Variants in DPYD observed in about 807,000 individuals in gnomAD.
DPYD encodes the protein dihydropyrimidine dehydrogenase [NADP(+)].
Under a neutral mutation model 116.2 loss-of-function variants are expected in DPYD, and 109 were observed. The ratio of observed to expected loss-of-function variants is 0.94; its 90% CI spans 0.80 to 1.10. The LOEUF (loss-of-function observed/expected upper bound fraction) is 1.10, where lower values mean the gene tolerates loss of function less well. DPYD is among the 50% of genes least tolerant of loss of function. The probability of loss-of-function intolerance (pLI) is 0.00; values close to 1 mark genes in which losing one functional copy is unlikely to be tolerated. For synonymous variants in DPYD, 440 were observed against 432.0 expected (o/e 1.02, Z -0.23); for missense variants, 1,302 against 1,254.5 (o/e 1.04, Z -0.57).
At chr1:97,323,444 G>GTA (rs1204630428) in intron 16 of DPYD, among the ~76,000 whole-genome samples, 3 of 97,812 alleles carry the variant, frequency 3.1e-5, no homozygotes, top group East Asian at 3.4e-4. Context: ...ATATGTACAC[G>GTA]TATATACATA....
intron 13 of DPYD, among the ~76,000 whole-genome samples, chr1:97,458,798 T>C (rs1207437926): frequency 6.6e-6 from 1 of 152,194 alleles, no homozygotes; most frequent in Non-Finnish European, 1.5e-5. Context: ...GTTAAAAATT[T>C]GGTTTAAAAG....
intron 3 of DPYD, among the ~76,000 whole-genome samples, chr1:97,749,798 A>G (rs182971572): frequency 3.9e-4 from 60 of 152,102 alleles, no homozygotes; most frequent in African/African-American, 1.2e-3. Context: ...GGTTTCCTTC[A>G]TATTCTAGAC....
intron 20 of DPYD, among the ~76,000 whole-genome samples, chr1:97,108,707 A>C (rs1212981221): frequency 6.6e-6 from 1 of 152,154 alleles, no homozygotes; most frequent in Non-Finnish European, 1.5e-5. Context: ...AAGCTATTAT[A>C]AATCTGTATG....
intron 14 of DPYD, among the ~76,000 whole-genome samples, chr1:97,419,589 T>C (rs1674471930): frequency 6.6e-6 from 1 of 151,730 alleles, no homozygotes; most frequent in South Asian, 2.1e-4. Context: ...AAAATCTACC[T>C]ATAACCCCAC....
At chr1:97,466,172 CAAAA>C (rs926700178) in intron 13 of DPYD, among the ~76,000 whole-genome samples, 4 of 151,994 alleles carry the variant, frequency 2.6e-5, no homozygotes, top group African/African-American at 9.7e-5. Context: ...AAAATTATAA[CAAAA>C]AAAGTTGGCA....
intron 3 of DPYD, among the ~76,000 whole-genome samples, chr1:97,772,521 A>C (rs1666196876): frequency 6.6e-6 from 1 of 152,206 alleles, no homozygotes; most frequent in Non-Finnish European, 1.5e-5. Context: ...GCAGAAGTGT[A>C]ATTTCACAGG....
intron 8 of DPYD, among the ~76,000 whole-genome samples, chr1:97,641,296 G>A (rs1385940228): frequency 1.3e-5 from 2 of 152,104 alleles, no homozygotes; most frequent in South Asian, 2.1e-4. Context: ...AACTTCTTTT[G>A]GAGACATATA....
intron 20 of DPYD, among the ~76,000 whole-genome samples, chr1:97,106,630 C>T (rs1651169561): frequency 6.6e-6 from 1 of 152,120 alleles, no homozygotes; most frequent in Non-Finnish European, 1.5e-5. Flanking sequence ...CCCCCCTCAT[C>T]TCCCAGTCCT....
chr1:97,750,682 C>A (rs1664825979), intron 3 of DPYD, among the ~76,000 whole-genome samples: 2 of 152,126 alleles, frequency 1.3e-5, no homozygotes, highest in Admixed American at 6.5e-5. Flanking sequence ...AAAGAATTCA[C>A]TTAAGAGTTT....
At chr1:97,660,079 T>C (rs1160012920) in intron 8 of DPYD, among the ~76,000 whole-genome samples, 1 of 152,128 alleles carries the variant, frequency 6.6e-6, no homozygotes, top group Admixed American at 6.5e-5. Context: ...TTTGCTAAAA[T>C]GCTACTGTTC....
At chr1:97,532,911 G>GT (rs535708189) in intron 12 of DPYD, among the ~76,000 whole-genome samples, 1,569 of 128,190 alleles carry the variant, frequency 0.012, 24 homozygotes, top group South Asian at 0.063. Context: ...GGGCTTAGTT[G>GT]TTTTTTTTTT....
intron 20 of DPYD, among the ~76,000 whole-genome samples, chr1:97,102,396 C>CATATATATATATATATATATATAT (rs372249411): frequency 0.011 from 1,054 of 96,934 alleles, 41 homozygotes; most frequent in East Asian, 0.015. Context: ...CACTCAGTAT[C>CATATATATATATATATATATATAT]ATATATATAT....
intron 8 of DPYD, among the ~76,000 whole-genome samples, chr1:97,618,320 T>C (rs1273755321): frequency 2.0e-5 from 3 of 151,994 alleles, no homozygotes; most frequent in Non-Finnish European, 2.9e-5. Flanking sequence ...TAGCATGTCC[T>C]GACATTTTAT....
At chr1:97,683,708 C>T (rs192604416) in intron 7 of DPYD, among the ~76,000 whole-genome samples, 28 of 152,074 alleles carry the variant, frequency 1.8e-4, no homozygotes, top group Non-Finnish European at 3.1e-4. Flanking sequence ...AATTTTATTA[C>T]ACTATAAATG....
intron 8 of DPYD, among the ~76,000 whole-genome samples, chr1:97,614,474 T>C (rs980777298): frequency 3.9e-5 from 6 of 152,048 alleles, no homozygotes; most frequent in Non-Finnish European, 5.9e-5. Context: ...AATAAAACCA[T>C]AGTAGACTAG....
intron 3 of DPYD, among the ~76,000 whole-genome samples, chr1:97,791,023 T>C (rs1329930309): frequency 6.6e-6 from 1 of 152,200 alleles, no homozygotes; most frequent in Non-Finnish European, 1.5e-5. Flanking sequence ...AAAAAGGCAG[T>C]TGGTTCATCC....
At chr1:97,771,989 ATAAG>A (rs1243763317) in intron 3 of DPYD, among the ~76,000 whole-genome samples, 1 of 152,194 alleles carries the variant, frequency 6.6e-6, no homozygotes, top group Non-Finnish European at 1.5e-5. Flanking sequence ...AAGTAGAAAA[ATAAG>A]TAAAAGGTAT....
chr1:97,714,649 A>G (rs1457081884), intron 5 of DPYD, among the ~76,000 whole-genome samples: 55 of 148,628 alleles, frequency 3.7e-4, no homozygotes, highest in Admixed American at 1.0e-3. Context: ...GTTAAAAAAG[A>G]AAAGACAAAA....
chr1:97,849,288 T>C (rs544618255), intron 2 of DPYD, among the ~76,000 whole-genome samples: 1 of 152,338 alleles, frequency 6.6e-6, no homozygotes, highest in East Asian at 1.9e-4. Flanking sequence ...CAAAATGTTA[T>C]TGACTTATTT....
Sources: gnomAD v4.1 joint callset for allele counts (sites outside exome capture counted in the v4.1 genomes callset) on GRCh38, gnomAD v4.1.1 for gene constraint, MANE v1.5 for transcripts, NCBI Gene and HGNC (gene_info 2026-07-23, HGNC 2026-07-21) for gene names.